The following TRAPPC2L variants were observed in gnomAD, a reference collection of about 807,000 sequenced individuals.
TRAPPC2L encodes trafficking protein particle complex subunit 2-like protein.
In TRAPPC2L, 17 loss-of-function variants were observed where a neutral mutation model predicts 13.2. That is an observed-to-expected ratio of 1.29 (90% CI 0.88 to 1.93). TRAPPC2L has a LOEUF of 1.93. Among genes scored for constraint, TRAPPC2L ranks in the 30% most tolerant of loss-of-function variants. The pLI, the probability that TRAPPC2L is intolerant of heterozygous loss-of-function variation, is 0.00. For synonymous variants in TRAPPC2L, 150 were observed against 98.1 expected (o/e 1.53, Z -3.12); for missense variants, 359 against 252.1 (o/e 1.42, Z -2.87).
chr16:88,860,077 T>C, exon 4 of TRAPPC2L: 1 of 1,119,002 alleles, frequency 8.9e-7, no homozygotes, highest in East Asian at 2.4e-5. Context: ...GGAAAGATCT[T>C]TTTAAGCTAT....
chr16:88,860,435 C>G, exon 4 of TRAPPC2L: 1 of 606,236 alleles, frequency 1.6e-6, no homozygotes. Context: ...AATGTGGGGT[C>G]CATGCCCACA....
exon 4 of TRAPPC2L, chr16:88,860,129 C>T (rs1207827640): frequency 1.3e-6 from 1 of 742,206 alleles, no homozygotes. Context: ...AGCCACAAAG[C>T]CCCGTTTCTC....
chr16:88,858,940 C>G, intron 2 of TRAPPC2L, 149 bp downstream of exon 2: 1 of 754,708 alleles, frequency 1.3e-6, no homozygotes, highest in Non-Finnish European at 2.1e-6. Context: ...GAATGAAGGC[C>G]TGTAACTCTT....
chr16:88,857,156 G>C, exon 1 of TRAPPC2L: 1 of 1,583,276 alleles, frequency 6.3e-7, no homozygotes, highest in Non-Finnish European at 8.5e-7. Flanking sequence ...CCAAGATGGC[G>C]GTGTGCATCG....
At position 88,858,895 on chromosome 16, in the gene TRAPPC2L, T is replaced by C. The variant is rs1229696301; in HGVS notation, c.206+104T>C. On this transcript the variant is annotated intron_variant, in intron 2 of 3. Transcript: ENST00000565504. ...TTTTAGAAGAAAAAGAGGTGAGAGTTTTTAGCCAGCCAGGGAATTAGGGTA... is the reference window on the plus strand; with the variant it reads ...TTTTAGAAGAAAAAGAGGTGAGAGTCTTTAGCCAGCCAGGGAATTAGGGTA... 4.6e-6 allele frequency: 6 copies of C among 1,293,692 alleles called. No homozygotes were observed. In the East Asian group the frequency reaches 1.5e-4, roughly 33 times the overall value. The allele number at this position is 1,293,692 out of a possible 1,614,324, so 80.1% of individuals were successfully genotyped here.
chr16:88,860,227 A>G (rs1325460940), exon 4 of TRAPPC2L: 3 of 703,404 alleles, frequency 4.3e-6, no homozygotes, highest in African/African-American at 3.5e-5. Flanking sequence ...TTGGCTTCCC[A>G]GGTGTGCCCA....
intron 2 of TRAPPC2L, chr16:88,859,036 T>C (rs1407454267): frequency 1.8e-6 from 1 of 542,534 alleles, no homozygotes; most frequent in Non-Finnish European, 3.3e-6. Context: ...GTTGTCTGGT[T>C]TGCAGAGGAA....
chr16:88,859,148 G>A (rs1968198125), intron 2 of TRAPPC2L: 16 of 435,124 alleles, frequency 3.7e-5, no homozygotes, highest in South Asian at 2.9e-4. Flanking sequence ...TATTTCATTA[G>A]GCCTTGCCTC....
At chr16:88,856,621 TC>T, upstream of TRAPPC2L, 2 of 320,414 alleles carry the variant, frequency 6.2e-6, no homozygotes, top group Non-Finnish European at 1.2e-5. Flanking sequence ...GCGCGGGGCC[TC>T]CCCCCTTCCC....
At chr16:88,860,224 C>T (rs775809412) in exon 4 of TRAPPC2L, 2 of 703,378 alleles carry the variant, frequency 2.8e-6, no homozygotes, top group Non-Finnish European at 5.2e-6. Flanking sequence ...CATTTGGCTT[C>T]CCAGGTGTGC....
exon 4 of TRAPPC2L, chr16:88,860,448 C>T (rs1968307057): frequency 5.0e-6 from 3 of 603,720 alleles, no homozygotes; most frequent in East Asian, 2.7e-5. Context: ...TGCCCACATT[C>T]CAGACTTGCT....
upstream of TRAPPC2L, chr16:88,856,949 G>C (rs1028768392): frequency 2.1e-6 from 3 of 1,443,176 alleles, no homozygotes; most frequent in Non-Finnish European, 2.7e-6. Flanking sequence ...CTTCCGGCTG[G>C]GCTGCGGGGC....
At chr16:88,861,581 G>T in exon 4 of TRAPPC2L, 1 of 469,782 alleles carries the variant, frequency 2.1e-6, no homozygotes. Flanking sequence ...GCAGACTTGA[G>T]GCACCCCCTC....
exon 4 of TRAPPC2L, chr16:88,861,570 C>G (rs568576418): frequency 4.3e-6 from 2 of 466,548 alleles, no homozygotes; most frequent in African/African-American, 2.0e-5. Context: ...AACCTTGGAG[C>G]GCAGACTTGA....
chr16:88,861,844 C>T (rs1406378745), exon 4 of TRAPPC2L: 2 of 338,972 alleles, frequency 5.9e-6, no homozygotes, highest in Non-Finnish European at 1.2e-5. Context: ...GGGGGGTCAG[C>T]CTAGGGCAGG....
upstream of TRAPPC2L, chr16:88,856,612 C>A: frequency 1.8e-6 from 1 of 568,112 alleles, no homozygotes; most frequent in East Asian, 3.3e-5. Context: ...CTCCTCCCCG[C>A]GCGGGGCCTC....
upstream of TRAPPC2L, chr16:88,857,027 T>G: frequency 1.4e-6 from 2 of 1,408,242 alleles, no homozygotes; most frequent in Non-Finnish European, 1.8e-6. Context: ...AGGCGGGGCC[T>G]GGACTGCCTC....
intron 2 of TRAPPC2L, 198 bp from the exon 3 acceptor site, chr16:88,859,465 T>C (rs1223143269): frequency 2.8e-6 from 2 of 706,504 alleles, no homozygotes; most frequent in Non-Finnish European, 2.6e-6. Context: ...CTGCCTGCTC[T>C]TCGCTTCTCC....
At chr16:88,858,634 A>T in exon 2 of TRAPPC2L, 1 of 1,612,956 alleles carries the variant, frequency 6.2e-7, no homozygotes, top group Non-Finnish European at 8.5e-7. Flanking sequence ...CCCCCTCTAC[A>T]TTCGCAGCAC....
Sources: gnomAD v4.1 joint callset for allele counts on GRCh38, gnomAD v4.1.1 for gene constraint, MANE v1.5 for transcripts, NCBI Gene and HGNC (gene_info 2026-07-23, HGNC 2026-07-21) for gene names.